The following ARFGEF1 variants were observed in gnomAD, a reference collection of about 807,000 sequenced individuals.
ARFGEF1 encodes the protein brefeldin A-inhibited guanine nucleotide-exchange protein 1.
Under a neutral mutation model 231.0 loss-of-function variants are expected in ARFGEF1, and 42 were observed. The ratio of observed to expected loss-of-function variants is 0.18; its 90% CI spans 0.14 to 0.24. ARFGEF1 has a LOEUF of 0.24. Ranked by LOEUF, ARFGEF1 falls within the 10% of genes least tolerant of loss-of-function variation. ARFGEF1 has a pLI of 1.00. For missense variants in ARFGEF1, 1,345 were observed against 2,192.0 expected, an observed-to-expected ratio of 0.61 and a Z score of 7.72; for synonymous variants, 710 against 732.3, an observed-to-expected ratio of 0.97 and a Z score of 0.49.
chr8:67,329,954 T>TA (rs929223184), intron 1 of ARFGEF1, among the ~76,000 whole-genome samples: 59 of 149,786 alleles, frequency 3.9e-4, no homozygotes, highest in Admixed American at 5.3e-4. Context: ...GTGCTAAAAA[T>TA]AAAAAAAAAC....
intron 1 of ARFGEF1, among the ~76,000 whole-genome samples, chr8:67,333,435 C>T (rs1350833577): frequency 6.6e-6 from 1 of 151,494 alleles, no homozygotes; most frequent in Non-Finnish European, 1.5e-5. Flanking sequence ...GCCACCTCAT[C>T]CTCCCAAGTA....
intron 7 of ARFGEF1, among the ~76,000 whole-genome samples, chr8:67,283,353 C>G (rs889475274): frequency 6.6e-6 from 1 of 151,936 alleles, no homozygotes; most frequent in African/African-American, 2.4e-5. Context: ...CTAGTATTAA[C>G]AGGAGATTAT....
intron 1 of ARFGEF1, among the ~76,000 whole-genome samples, chr8:67,333,907 G>A (rs988933936): frequency 6.6e-6 from 1 of 151,994 alleles, no homozygotes; most frequent in Non-Finnish European, 1.5e-5. Context: ...GGAGGCCAAG[G>A]TCAGCGGATC....
chr8:67,195,590 T>C (rs766225860), downstream of ARFGEF1: 1 of 1,613,872 alleles, frequency 6.2e-7, no homozygotes, highest in Non-Finnish European at 8.5e-7. Flanking sequence ...CTGCACATGG[T>C]TAAAATAAAC....
At position 67,232,896 on chromosome 8, in the gene ARFGEF1, A is replaced by G. The variant is rs1242768227; in HGVS notation, c.3339T>C (p.Ile1113=). 6.2e-7 allele frequency: 1 copy of G among 1,611,386 alleles called. No homozygotes were observed. The change falls in exon 23 of 39, where the codon ATT becomes ATC. Residue 1113 remains isoleucine (I), a synonymous_variant. Coordinates refer to ENST00000262215, the MANE Select transcript of ARFGEF1 (RefSeq NM_006421.5). The part of the protein sequence containing the change: ...WKQIASIQES[I]GETSSQSVVV... Reference sequence around the variant, plus strand: ...CAACACTCTGAGAACTGGTTTCTCCAATGGATTCCTGAATACTTGCTATCT... The same window carrying G: ...CAACACTCTGAGAACTGGTTTCTCCGATGGATTCCTGAATACTTGCTATCT...
At chr8:67,321,269 A>G (rs1311399866) in intron 1 of ARFGEF1, among the ~76,000 whole-genome samples, 1 of 152,268 alleles carries the variant, frequency 6.6e-6, no homozygotes, top group East Asian at 1.9e-4. Context: ...GTAAAAAAGA[A>G]AGTCAAATTT....
intron 7 of ARFGEF1, among the ~76,000 whole-genome samples, chr8:67,280,841 T>A (rs1011650374): frequency 6.6e-6 from 1 of 152,180 alleles, no homozygotes. Flanking sequence ...AGTAGATTGA[T>A]CAAATCTAGT....
At chr8:67,269,988 C>CA (rs1166559117) in intron 10 of ARFGEF1, among the ~76,000 whole-genome samples, 2 of 151,914 alleles carry the variant, frequency 1.3e-5, no homozygotes, top group Non-Finnish European at 1.5e-5. Context: ...TCTCAGTGTC[C>CA]AAAAAAATCT....
downstream of ARFGEF1, chr8:67,195,658 A>ATACC: frequency 7.1e-7 from 1 of 1,400,622 alleles, no homozygotes; most frequent in Non-Finnish European, 1.0e-6. Flanking sequence ...CTGTACCTTT[A>ATACC]ATATGTCCTA....
At chr8:67,342,299 G>C (rs567492158) in intron 1 of ARFGEF1, among the ~76,000 whole-genome samples, 2 of 152,242 alleles carry the variant, frequency 1.3e-5, no homozygotes, top group African/African-American at 4.8e-5. Context: ...AACCTCATAG[G>C]TAGGAGGTAT....
rs1388631186 is a variant in ARFGEF1, at chr8:67,228,068, T to C, written c.3486A>G (p.Arg1162=). 6.2e-7 allele frequency: 1 copy of C among 1,610,472 alleles called. No individual in the cohort carries two copies. Among genetic ancestry groups the C allele is most frequent in the African/African-American group, 1.3e-5 (1 of 74,834 alleles). Residue 1162 remains arginine, a synonymous_variant, in exon 25 of 39, where the codon AGA becomes AGG. Transcript: ENST00000262215. The part of the protein sequence containing the change: ...MDELLSTTHP[R]MFSLQKIVEI... The stretch of plus-strand genomic sequence containing the variant: ...CTACTATTTTTTGTAGACTAAACAT[T>C]CTTGGGTGTGTCGTGGAAAGTAATT...
At chr8:67,210,552 G>A (rs1215461556) in intron 34 of ARFGEF1, among the ~76,000 whole-genome samples, 8 of 152,134 alleles carry the variant, frequency 5.3e-5, no homozygotes, top group East Asian at 1.9e-4. Flanking sequence ...ACTACTTCCC[G>A]TTGCAGATGG....
chr8:67,269,745 T>C (rs539346796), intron 10 of ARFGEF1, among the ~76,000 whole-genome samples: 10 of 152,198 alleles, frequency 6.6e-5, no homozygotes, highest in African/African-American at 1.9e-4. Context: ...TGAGGGACAA[T>C]AAGGAGTGAA....
chr8:67,310,256 C>T (rs1806940528), intron 1 of ARFGEF1, among the ~76,000 whole-genome samples: 3 of 152,132 alleles, frequency 2.0e-5, no homozygotes, highest in Admixed American at 2.0e-4. Flanking sequence ...TGCAGGCACG[C>T]GCCACCACGC....
rs1164829573 is a variant in ARFGEF1, at chr8:67,240,375, GA to G, written c.2851-86del. On this transcript the variant is annotated intron_variant, in intron 19 of 38. Transcript: ENST00000262215. The stretch of plus-strand genomic sequence containing the variant: ...AAATCTTTTAGACAATACAAGTTCT[GA>G]AAAAAAGAAATGAAATTCTTGGCAG... 9 of 1,248,710 alleles carry G rather than the reference GA, an allele frequency of 7.2e-6. No individual in the cohort carries two copies. In the African/African-American group the frequency reaches 1.1e-4, roughly 15 times the overall value. The allele number at this position is 1,248,710 out of a possible 1,614,324, so 77.4% of individuals were successfully genotyped here.
At chr8:67,332,409 T>C (rs1403153893) in intron 1 of ARFGEF1, among the ~76,000 whole-genome samples, 1 of 152,200 alleles carries the variant, frequency 6.6e-6, no homozygotes. Context: ...TGGGAGGTGT[T>C]ACAGGGCACA....
chr8:67,218,199 A>ATATATATATAT (rs1563843179), intron 30 of ARFGEF1, 61 bp from the exon 31 acceptor site: 1 of 190,988 alleles, frequency 5.2e-6, no homozygotes, highest in African/African-American at 6.7e-5. Context: ...ATTAAAAAAA[A>ATATATATATAT]AAAAAAAAAT....
Position 67,302,905 on chromosome 8 carries a change from TTAAA to T in ARFGEF1, c.125-443_125-440del, listed in dbSNP as rs1232745500. 1.5e-3 allele frequency among the ~76,000 whole-genome samples: 153 copies of T among 100,252 alleles called. 1 individual carries two copies. The highest frequency in any genetic ancestry group is 5.8e-3 in the African/African-American group (149 of 25,884). The allele number at this position is 100,252 out of a possible 152,430, so 65.8% of individuals were successfully genotyped here. ...GCCTGGGCAACAAAGACCCCATCTC[TTAAA>T]AAAAAAAAAAAAAAAAAAAAAAAAT... On this transcript the variant is annotated intron_variant, in intron 1 of 38. Coordinates refer to ENST00000262215, the MANE Select transcript of ARFGEF1 (RefSeq NM_006421.5).
At position 67,249,498 on chromosome 8, in the gene ARFGEF1, T is replaced by C. The variant is rs1004292314; in HGVS notation, c.2850+1801A>G. Among the ~76,000 whole-genome samples, 6 of 150,490 alleles carry C rather than the reference T, an allele frequency of 4.0e-5. 1 individual carries two copies. The highest frequency in any genetic ancestry group is 2.1e-4 in the South Asian group (1 of 4,774). On this transcript the variant is annotated intron_variant, in intron 19 of 38. Coordinates refer to ENST00000262215, the MANE Select transcript of ARFGEF1 (RefSeq NM_006421.5). ...GCACACAGATAGGCAGATATACAGATAGACAGACGGATAGATAAATCTACA... is the reference window on the plus strand; with the variant it reads ...GCACACAGATAGGCAGATATACAGACAGACAGACGGATAGATAAATCTACA...
Sources: allele counts gnomAD v4.1 joint callset (sites outside exome capture counted in the v4.1 genomes callset), GRCh38; gene constraint gnomAD v4.1.1; transcripts MANE v1.5; gene names NCBI Gene and HGNC (gene_info 2026-07-23, HGNC 2026-07-21).